SLC3A1: variants seen among roughly 807,000 people sequenced by gnomAD.
SLC3A1 encodes the protein solute carrier family 3 member 1, also known as amino acid transporter heavy chain SLC3A1.
A neutral mutation model predicts 60.3 loss-of-function variants in SLC3A1; 78 were observed. The observed-to-expected ratio is 1.29, with a 90% CI of 1.08 to 1.56. SLC3A1 has a LOEUF of 1.56. Among genes scored for constraint, SLC3A1 ranks in the 40% most tolerant of loss-of-function variants. The pLI, the probability that SLC3A1 is intolerant of heterozygous loss-of-function variation, is 0.00. For missense variants in SLC3A1, 1,172 were observed against 858.9 expected, an observed-to-expected ratio of 1.36 and a Z score of -4.56; for synonymous variants, 392 against 307.9, an observed-to-expected ratio of 1.27 and a Z score of -2.86.
At chr2:44,295,076 G>T (rs543262867) in intron 4 of SLC3A1, among the ~76,000 whole-genome samples, 37 of 152,242 alleles carry the variant, frequency 2.4e-4, no homozygotes, top group African/African-American at 8.9e-4. Flanking sequence ...TCCCATGTAA[G>T]AGTAGACAGA....
intron 1 of SLC3A1, among the ~76,000 whole-genome samples, chr2:44,278,011 C>G (rs1045784808): frequency 6.6e-6 from 1 of 152,128 alleles, no homozygotes; most frequent in Non-Finnish European, 1.5e-5. Context: ...TGTTTTCATC[C>G]TCATGTTCCT....
chr2:44,292,822 C>T (rs560039345), intron 4 of SLC3A1, among the ~76,000 whole-genome samples: 1 of 152,216 alleles, frequency 6.6e-6, no homozygotes, highest in East Asian at 1.9e-4. Context: ...GGGGTGAGGT[C>T]AGGAGCACCA....
At chr2:44,303,880 T>C in intron 6 of SLC3A1, 1 of 587,166 alleles carries the variant, frequency 1.7e-6, no homozygotes. Flanking sequence ...GGTTTCCAGC[T>C]TCATCCATGT....
chr2:44,318,233 G>C (rs1213844385), intron 9 of SLC3A1: 10 of 345,240 alleles, frequency 2.9e-5, no homozygotes, highest in Non-Finnish European at 1.1e-5. Flanking sequence ...TGGGATTACA[G>C]GTGCACGTCA....
intron 7 of SLC3A1, among the ~76,000 whole-genome samples, chr2:44,308,969 T>C (rs535675951): frequency 1.5e-4 from 23 of 152,290 alleles, no homozygotes; most frequent in South Asian, 8.3e-4. Context: ...CCTGACCTCA[T>C]GATCTGCCTG....
intron 9 of SLC3A1, chr2:44,314,247 C>A: frequency 1.5e-6 from 1 of 646,348 alleles, no homozygotes; most frequent in South Asian, 2.1e-5. Flanking sequence ...AGTTTTTTAG[C>A]TAGCCCAGCT....
chr2:44,292,172 T>A (rs938833465), intron 4 of SLC3A1, among the ~76,000 whole-genome samples: 13 of 151,972 alleles, frequency 8.6e-5, no homozygotes, highest in African/African-American at 3.1e-4. Context: ...TTTGGAGTGA[T>A]CCTACACCTG....
intron 1 of SLC3A1, among the ~76,000 whole-genome samples, chr2:44,278,280 T>TA (rs1212808860): frequency 4.0e-5 from 6 of 151,218 alleles, no homozygotes; most frequent in Admixed American, 3.3e-4. Flanking sequence ...CCGTCTCTAC[T>TA]AAAAAAATAC....
At chr2:44,276,758 G>A (rs1671353161) in intron 1 of SLC3A1, among the ~76,000 whole-genome samples, 1 of 152,022 alleles carries the variant, frequency 6.6e-6, no homozygotes, top group Admixed American at 6.6e-5. Context: ...ATTTCTTGGT[G>A]GGTTATGTGT....
intron 7 of SLC3A1, among the ~76,000 whole-genome samples, 199 bp downstream of exon 7, chr2:44,304,537 A>T (rs528837535): frequency 6.6e-6 from 1 of 152,282 alleles, no homozygotes; most frequent in East Asian, 1.9e-4. Flanking sequence ...GAATGGAATG[A>T]ATATTGAATG....
At chr2:44,289,931 C>A (rs924185116) in intron 4 of SLC3A1, among the ~76,000 whole-genome samples, 2 of 151,462 alleles carry the variant, frequency 1.3e-5, no homozygotes, top group African/African-American at 4.8e-5. Flanking sequence ...GCGCCTGGCC[C>A]AATTTATTTA....
chr2:44,298,532 C>T (rs1671914994), intron 4 of SLC3A1, among the ~76,000 whole-genome samples: 1 of 152,206 alleles, frequency 6.6e-6, no homozygotes, highest in Non-Finnish European at 1.5e-5. Context: ...TGCATGGCTC[C>T]ATGCCCAACT....
chr2:44,275,521 A>G lies in SLC3A1; in HGVS notation c.-15A>G, dbSNP rs376817320. 44 of 1,612,430 alleles carry G rather than the reference A, an allele frequency of 2.7e-5. No individual in the cohort carries two copies. The highest frequency in any genetic ancestry group is 4.5e-5 in the East Asian group (2 of 44,884). On this transcript the variant is annotated 5_prime_UTR_variant, in exon 1 of 10. Transcript: ENST00000260649. Reference sequence around the variant, plus strand: ...TACTGCAGGAAGGCACTCCGAAGACATAAGTCGGTGAGACATGGCTGAAGA... The same window carrying G: ...TACTGCAGGAAGGCACTCCGAAGACGTAAGTCGGTGAGACATGGCTGAAGA...
intron 1 of SLC3A1, among the ~76,000 whole-genome samples, chr2:44,278,818 A>G (rs1442336132): frequency 6.6e-6 from 1 of 152,152 alleles, no homozygotes; most frequent in Middle Eastern, 3.2e-3. Flanking sequence ...ATAAGTGAAC[A>G]AGGGAAATAG....
At chr2:44,304,926 A>G (rs2104371412) in intron 7 of SLC3A1, among the ~76,000 whole-genome samples, 1 of 150,102 alleles carries the variant, frequency 6.7e-6, no homozygotes, top group South Asian at 2.1e-4. Context: ...GGCTCAAGCA[A>G]TCCTCCCACC....
chr2:44,303,757 T>C (rs914793545), intron 6 of SLC3A1: 143 of 353,372 alleles, frequency 4.0e-4, no homozygotes, highest in African/African-American at 2.8e-3. Flanking sequence ...CAGGCCCCGG[T>C]GTGTGATGTT....
intron 4 of SLC3A1, among the ~76,000 whole-genome samples, chr2:44,297,434 C>T (rs1025983614): frequency 1.3e-5 from 2 of 152,188 alleles, no homozygotes; most frequent in South Asian, 4.1e-4. Context: ...TCCCACCCTC[C>T]ATTGAAATCC....
intron 4 of SLC3A1, among the ~76,000 whole-genome samples, chr2:44,297,188 T>C (rs991819292): frequency 6.6e-6 from 1 of 152,202 alleles, no homozygotes; most frequent in Non-Finnish European, 1.5e-5. Context: ...GATATATACA[T>C]TCCTGTGAAA....
intron 2 of SLC3A1, among the ~76,000 whole-genome samples, 197 bp from the exon 3 acceptor site, chr2:44,281,190 G>A (rs1671490999): frequency 9.5e-6 from 1 of 105,134 alleles, no homozygotes; most frequent in South Asian, 3.3e-4. Context: ...GCAGGGTCTT[G>A]CTCTGTCTCC....
Sources: allele counts gnomAD v4.1 joint callset (sites outside exome capture counted in the v4.1 genomes callset), GRCh38; gene constraint gnomAD v4.1.1; transcripts MANE v1.5; gene names NCBI Gene and HGNC (gene_info 2026-07-23, HGNC 2026-07-21).